The following MGST2 variants were observed in gnomAD, a reference collection of about 807,000 sequenced individuals.
MGST2 encodes the protein microsomal glutathione S-transferase 2.
Under a neutral mutation model 16.6 loss-of-function variants are expected in MGST2, and 9 were observed. The ratio of observed to expected loss-of-function variants is 0.54; its 90% CI spans 0.33 to 0.95. MGST2 has a LOEUF of 0.95. Ranked by LOEUF, MGST2 falls within the 40% of genes least tolerant of loss-of-function variation. The probability of loss-of-function intolerance (pLI) is 0.03; values close to 1 mark genes in which losing one functional copy is unlikely to be tolerated. For synonymous variants in MGST2, 79 were observed against 68.0 expected, an observed-to-expected ratio of 1.16 and a Z score of -0.79; for missense variants, 159 against 175.1, an observed-to-expected ratio of 0.91 and a Z score of 0.52.
intron 1 of MGST2, among the ~76,000 whole-genome samples, chr4:139,669,934 T>C (rs535925139): frequency 2.0e-5 from 3 of 152,314 alleles, no homozygotes; most frequent in African/African-American, 7.2e-5. Flanking sequence ...AACTTGTCAA[T>C]GATTCTCTGG....
At chr4:139,707,640 C>T (rs1317536798), downstream of MGST2, among the ~76,000 whole-genome samples, 14 of 150,322 alleles carry the variant, frequency 9.3e-5, no homozygotes, top group African/African-American at 3.2e-4. Context: ...CACTGACTTC[C>T]ACAATGGTTG....
intron 1 of MGST2, among the ~76,000 whole-genome samples, chr4:139,671,774 T>G (rs1373321393): frequency 6.6e-6 from 1 of 152,142 alleles, no homozygotes; most frequent in Non-Finnish European, 1.5e-5. Flanking sequence ...CCTGAGTATC[T>G]GGGACTACAG....
At chr4:139,727,572 C>T (rs1728525863) in intron 5 of MGST2, among the ~76,000 whole-genome samples, 1 of 152,166 alleles carries the variant, frequency 6.6e-6, no homozygotes, top group Admixed American at 6.5e-5. Context: ...CCCCACATAA[C>T]CTCAGTTCCT....
intron 1 of MGST2, among the ~76,000 whole-genome samples, chr4:139,668,635 G>A (rs1162511399): frequency 6.6e-6 from 1 of 151,358 alleles, no homozygotes; most frequent in Non-Finnish European, 1.5e-5. Context: ...GGGGTAGAGG[G>A]GGAGAGGGAG....
intron 1 of MGST2, 59 bp from the exon 2 acceptor site, chr4:139,678,484 T>C (rs2110819627): frequency 7.8e-7 from 1 of 1,274,792 alleles, no homozygotes. Context: ...TAAATTTGCA[T>C]TCCACTAATG....
chr4:139,724,912 C>T lies in MGST2; in HGVS notation c.*49-15300C>T, dbSNP rs1429123175. ...TAACTGAGATTACAGGTATGCATCACCACTCCTGGCTAATTTTTTGCATTT... is the reference window on the plus strand; with the variant it reads ...TAACTGAGATTACAGGTATGCATCATCACTCCTGGCTAATTTTTTGCATTT... On this transcript the variant is annotated intron_variant, in intron 5 of 5. Coordinates refer to the MGST2 transcript ENST00000616265. Among the ~76,000 whole-genome samples, 3 of 152,130 alleles carry T rather than the reference C, an allele frequency of 2.0e-5. No individual in the cohort carries two copies. The East Asian group carries it at 5.8e-4, about 29-fold the overall frequency.
chr4:139,722,268 T>C (rs1728266824), intron 5 of MGST2, among the ~76,000 whole-genome samples: 1 of 152,218 alleles, frequency 6.6e-6, no homozygotes, highest in Non-Finnish European at 1.5e-5. Flanking sequence ...GATGTAATTC[T>C]TATTTTTAAA....
chr4:139,680,671 G>A (rs191982773), intron 2 of MGST2, among the ~76,000 whole-genome samples: 3 of 152,254 alleles, frequency 2.0e-5, no homozygotes, highest in Admixed American at 6.5e-5. Flanking sequence ...AAGGGTGAAT[G>A]TTTGGTAAAG....
At chr4:139,678,190 AG>A (rs1304935923) in intron 1 of MGST2, among the ~76,000 whole-genome samples, 2 of 152,310 alleles carry the variant, frequency 1.3e-5, no homozygotes, top group African/African-American at 4.8e-5. Flanking sequence ...GTGAACCTCC[AG>A]GGGGCCAAGG....
chr4:139,699,376 ATATATC>A (rs1403255067), intron 3 of MGST2, among the ~76,000 whole-genome samples: 1 of 152,220 alleles, frequency 6.6e-6, no homozygotes, highest in Non-Finnish European at 1.5e-5. Flanking sequence ...AAATTCATAT[ATATATC>A]TATATAGTCT....
chr4:139,672,944 G>A (rs1311717552), intron 1 of MGST2, among the ~76,000 whole-genome samples: 1 of 152,146 alleles, frequency 6.6e-6, no homozygotes, highest in East Asian at 1.9e-4. Context: ...GAAGGGAAGA[G>A]CCTGCTTTGA....
Position 139,722,291 on chromosome 4 carries a change from A to C in MGST2, c.*49-17921A>C, listed in dbSNP as rs573407953. Among the ~76,000 whole-genome samples, 12 of 152,340 alleles carry C rather than the reference A, an allele frequency of 7.9e-5. 1 individual carries two copies. The highest frequency in any genetic ancestry group is 7.2e-4 in the Admixed American group (11 of 15,306). Reference sequence around the variant, plus strand: ...TCTTATTTTTAAAAGGCATTTTAAAATCAGCAATTGCCACATTCTTTTTCA... The same window carrying C: ...TCTTATTTTTAAAAGGCATTTTAAACTCAGCAATTGCCACATTCTTTTTCA... On this transcript the variant is annotated intron_variant, in intron 5 of 5. Coordinates refer to the MGST2 transcript ENST00000616265.
At chr4:139,743,630 A>G (rs564266822), downstream of MGST2, among the ~76,000 whole-genome samples, 3 of 152,294 alleles carry the variant, frequency 2.0e-5, no homozygotes, top group South Asian at 6.2e-4. Context: ...ACTGAACTTG[A>G]AATCTGTCTC....
intron 5 of MGST2, among the ~76,000 whole-genome samples, chr4:139,729,203 A>G (rs1728601996): frequency 6.7e-6 from 1 of 148,812 alleles, no homozygotes; most frequent in Admixed American, 6.7e-5. Flanking sequence ...AACTGTGCTC[A>G]GCAGTACAAT....
At chr4:139,749,109 A>G in the MGST2 span, among the ~76,000 whole-genome samples, 1 of 152,226 alleles carries the variant, frequency 6.6e-6, no homozygotes, top group African/African-American at 2.4e-5. Context: ...TCCTCAGGAA[A>G]GACTGGAATT....
intron 1 of MGST2, among the ~76,000 whole-genome samples, chr4:139,670,846 G>A (rs542382531): frequency 2.6e-5 from 4 of 151,434 alleles, no homozygotes; most frequent in East Asian, 1.9e-4. Context: ...TCCATGGGTT[G>A]CAGTGAGCCG....
At chr4:139,738,693 T>C (rs1298042586) in intron 5 of MGST2, among the ~76,000 whole-genome samples, 1 of 150,684 alleles carries the variant, frequency 6.6e-6, no homozygotes, top group East Asian at 1.9e-4. Flanking sequence ...TGCAGAAAAG[T>C]ATAGATAGAA....
chr4:139,692,640 C>T (rs1726675780), intron 2 of MGST2, among the ~76,000 whole-genome samples: 1 of 152,268 alleles, frequency 6.6e-6, no homozygotes, highest in African/African-American at 2.4e-5. Flanking sequence ...CCGTCAGCAT[C>T]TGTTCTGGTC....
At chr4:139,705,117 A>T (rs1289938798), downstream of MGST2, among the ~76,000 whole-genome samples, 1 of 152,192 alleles carries the variant, frequency 6.6e-6, no homozygotes, top group Non-Finnish European at 1.5e-5. Flanking sequence ...ACATGGGCTC[A>T]AGCGAGCCTC....
Sources: gnomAD v4.1 joint callset for allele counts (sites outside exome capture counted in the v4.1 genomes callset) on GRCh38, gnomAD v4.1.1 for gene constraint, MANE v1.5 for transcripts, NCBI Gene and HGNC (gene_info 2026-07-23, HGNC 2026-07-21) for gene names.